BTRC: variants seen among roughly 807,000 people sequenced by gnomAD.
BTRC encodes the protein F-box/WD repeat-containing protein 1A.
BTRC carries 42 observed loss-of-function variants against 85.5 expected under a neutral mutation model. The ratio of observed to expected loss-of-function variants is 0.49; its 90% CI spans 0.38 to 0.64. The LOEUF (loss-of-function observed/expected upper bound fraction) is 0.64. Ranked by LOEUF, BTRC falls within the 30% of genes least tolerant of loss-of-function variation. The pLI is 0.00. For missense variants in BTRC, 594 were observed against 743.5 expected, an observed-to-expected ratio of 0.80 and a Z score of 2.34; for synonymous variants, 255 against 263.3, an observed-to-expected ratio of 0.97 and a Z score of 0.30.
chr10:101,532,591 A>G (rs2134412756), intron 8 of BTRC, among the ~76,000 whole-genome samples, 159 bp downstream of exon 8: 1 of 152,320 alleles, frequency 6.6e-6, no homozygotes, highest in East Asian at 1.9e-4. Context: ...CTTAAAGGAC[A>G]GACATCAGCT....
At chr10:101,498,993 CA>C (rs201426508) in intron 4 of BTRC, among the ~76,000 whole-genome samples, 12 of 140,598 alleles carry the variant, frequency 8.5e-5, no homozygotes, top group African/African-American at 1.0e-4. Flanking sequence ...GACTCTGTCT[CA>C]AAAAAAAAAC....
intron 1 of BTRC, among the ~76,000 whole-genome samples, chr10:101,362,946 T>C (rs558515959): frequency 6.1e-4 from 93 of 152,294 alleles, no homozygotes; most frequent in Non-Finnish European, 1.3e-3. Context: ...TTGAAATATA[T>C]GGGAGGATGT....
chr10:101,355,301 GT>G (rs895148344), intron 1 of BTRC, among the ~76,000 whole-genome samples: 25 of 152,190 alleles, frequency 1.6e-4, no homozygotes, highest in African/African-American at 6.0e-4. Context: ...AGGATTTGTG[GT>G]TACCCGTCAG....
At chr10:101,534,133 G>T (rs2062346071) in intron 9 of BTRC, among the ~76,000 whole-genome samples, 2 of 152,136 alleles carry the variant, frequency 1.3e-5, no homozygotes, top group Admixed American at 1.3e-4. Flanking sequence ...ACAATGGGGG[G>T]TCTATTTTAA....
At position 101,437,403 on chromosome 10, in the gene BTRC, A is replaced by G. The variant is rs78787604; in HGVS notation, c.156+6951A>G. ...TTGATCTGAAATGACTTATCCATCC[A>G]TGTGTGCCTGTGCGTGCACACACAC... On this transcript the variant is annotated intron_variant, in intron 2 of 14. Coordinates refer to ENST00000370187, the MANE Select transcript of BTRC (RefSeq NM_033637.4). 1.7e-3 allele frequency among the ~76,000 whole-genome samples: 255 copies of G among 152,262 alleles called. 2 individuals carry two copies. The East Asian group carries it at 0.036, about 22-fold the overall frequency.
Position 101,535,364 on chromosome 10 carries a change from C to G in BTRC, c.1358C>G (p.Thr453Arg). Residue 453 changes from threonine (T) to arginine (R), a missense_variant, in exon 11 of 15, where the codon ACA becomes AGA. Around this residue, in one of 4 missense-constraint regions of BTRC, gnomAD observed 373 missense variants for 503.6 expected, o/e 0.74. Coordinates refer to ENST00000370187, the MANE Select transcript of BTRC (RefSeq NM_033637.4). Reference sequence around the variant, plus strand: ...CATTTTCTTTTTCAGGTATGGAACACAAGTACTTGTGAATTTGTAAGGACC... The same window carrying G: ...CATTTTCTTTTTCAGGTATGGAACAGAAGTACTTGTGAATTTGTAAGGACC... ...SGDRTIKVWN[T>R]STCEFVRTLN... The G allele has an allele frequency of 4.3e-6, 7 of 1,613,332 alleles. No individual in the cohort carries two copies. The highest frequency in any genetic ancestry group is 5.9e-6 in the Non-Finnish European group (7 of 1,179,614).
chr10:101,480,536 G>C (rs1210717227), intron 4 of BTRC, among the ~76,000 whole-genome samples: 1 of 152,190 alleles, frequency 6.6e-6, no homozygotes, highest in African/African-American at 2.4e-5. Context: ...GAAGAGACTA[G>C]CTAGATATCC....
intron 1 of BTRC, among the ~76,000 whole-genome samples, chr10:101,379,726 C>T (rs1374906365): frequency 6.6e-6 from 1 of 151,912 alleles, no homozygotes; most frequent in Non-Finnish European, 1.5e-5. Context: ...TTTCTTAAGT[C>T]TGAACGTTTT....
At chr10:101,538,258 TTAAC>T (rs2134435279) in intron 12 of BTRC, 31 bp from the exon 13 acceptor site, 1 of 1,566,854 alleles carries the variant, frequency 6.4e-7, no homozygotes, top group East Asian at 2.2e-5. Context: ...ACATTTGCTT[TTAAC>T]TAACATTTTT....
chr10:101,458,169 A>C (rs933342910), intron 2 of BTRC, among the ~76,000 whole-genome samples: 2 of 152,230 alleles, frequency 1.3e-5, no homozygotes, highest in Non-Finnish European at 2.9e-5. Flanking sequence ...ACAGTAGATA[A>C]TACTACTTGG....
intron 1 of BTRC, among the ~76,000 whole-genome samples, chr10:101,374,449 G>T (rs1942731357): frequency 6.6e-6 from 1 of 150,522 alleles, no homozygotes; most frequent in Non-Finnish European, 1.5e-5. Context: ...ATACTATGCA[G>T]CCATAAAAAA....
At chr10:101,527,237 T>C (rs1385299303) in intron 6 of BTRC, among the ~76,000 whole-genome samples, 2 of 152,252 alleles carry the variant, frequency 1.3e-5, no homozygotes, top group African/African-American at 4.8e-5. Flanking sequence ...TAAATATTCA[T>C]GGGCCAGCTT....
At chr10:101,444,509 T>C (rs1025631669) in intron 2 of BTRC, among the ~76,000 whole-genome samples, 1 of 152,192 alleles carries the variant, frequency 6.6e-6, no homozygotes, top group Non-Finnish European at 1.5e-5. Flanking sequence ...GGTAACTCCT[T>C]GCCATAGTGC....
intron 6 of BTRC, among the ~76,000 whole-genome samples, chr10:101,528,678 C>T (rs930186914): frequency 1.3e-5 from 2 of 152,078 alleles, no homozygotes; most frequent in Admixed American, 1.3e-4. Flanking sequence ...GACTTTATTC[C>T]TGTGTCAGTT....
At chr10:101,375,838 C>T (rs895615932) in intron 1 of BTRC, among the ~76,000 whole-genome samples, 1 of 152,206 alleles carries the variant, frequency 6.6e-6, no homozygotes, top group Admixed American at 6.5e-5. Context: ...TTGGCATGTT[C>T]AGCAAGCATA....
At chr10:101,397,764 G>A (rs1465052712) in intron 1 of BTRC, among the ~76,000 whole-genome samples, 2 of 151,990 alleles carry the variant, frequency 1.3e-5, no homozygotes, top group South Asian at 2.1e-4. Context: ...GTGTTGAATT[G>A]TAATGTAAAT....
At chr10:101,478,280 A>C (rs1229938763) in intron 3 of BTRC, among the ~76,000 whole-genome samples, 4 of 151,284 alleles carry the variant, frequency 2.6e-5, no homozygotes, top group Non-Finnish European at 5.9e-5. Flanking sequence ...CAGCCTGGGC[A>C]GCAGAGCAAG....
intron 3 of BTRC, among the ~76,000 whole-genome samples, chr10:101,465,734 A>G (rs1443876249): frequency 1.3e-5 from 2 of 152,190 alleles, no homozygotes; most frequent in African/African-American, 4.8e-5. Context: ...GAAGGTGGAA[A>G]TTAAGAGACA....
chr10:101,448,600 G>A (rs955984744), intron 2 of BTRC, among the ~76,000 whole-genome samples: 2 of 152,014 alleles, frequency 1.3e-5, no homozygotes, highest in Non-Finnish European at 2.9e-5. Context: ...CCATGAGAAT[G>A]CAGTTAATCT....
Sources: allele counts gnomAD v4.1 joint callset (sites outside exome capture counted in the v4.1 genomes callset), GRCh38; gene constraint gnomAD v4.1.1; regional missense constraint gnomAD v4.1.1; transcripts MANE v1.5; gene names NCBI Gene and HGNC (gene_info 2026-07-23, HGNC 2026-07-21).